ARHGEF10L: variants seen among roughly 807,000 people sequenced by gnomAD.
ARHGEF10L encodes Rho guanine nucleotide exchange factor 10 like.
In ARHGEF10L, 69 loss-of-function variants were observed where a neutral mutation model predicts 141.2. The ratio of observed to expected loss-of-function variants is 0.49; its 90% CI spans 0.40 to 0.60. The LOEUF (loss-of-function observed/expected upper bound fraction) is 0.60, where lower values mean the gene tolerates loss of function less well. Among genes scored for constraint, ARHGEF10L ranks in the 20% least tolerant of loss-of-function variants. ARHGEF10L has a pLI of 0.00. For missense variants in ARHGEF10L, 1,482 were observed against 1,734.3 expected, an observed-to-expected ratio of 0.85 and a Z score of 2.58; for synonymous variants, 711 against 718.5, an observed-to-expected ratio of 0.99 and a Z score of 0.17.
At chr1:17,685,953 G>C (rs114341265) in intron 26 of ARHGEF10L, among the ~76,000 whole-genome samples, 8,533 of 152,326 alleles carry the variant, frequency 0.056, 309 homozygotes, top group Middle Eastern at 0.13. Context: ...AAGGAGAAAA[G>C]CCAGAAAACT....
At chr1:17,568,681 G>A (rs947925013) in intron 1 of ARHGEF10L, among the ~76,000 whole-genome samples, 1 of 152,214 alleles carries the variant, frequency 6.6e-6, no homozygotes, top group Non-Finnish European at 1.5e-5. Flanking sequence ...GGACCAGGCT[G>A]TGGGCGGCAT....
At chr1:17,646,578 G>A (rs900990840) in intron 21 of ARHGEF10L, among the ~76,000 whole-genome samples, 5 of 152,134 alleles carry the variant, frequency 3.3e-5, no homozygotes, top group African/African-American at 9.7e-5. Context: ...ACACACGCAC[G>A]CGTGCACACG....
At chr1:17,527,179 C>G in the ARHGEF10L span, among the ~76,000 whole-genome samples, 4 of 152,208 alleles carry the variant, frequency 2.6e-5, no homozygotes, top group Non-Finnish European at 5.9e-5. Context: ...AACTAGAAAC[C>G]CTGGGCTCTG....
chr1:17,613,147 G>A lies in ARHGEF10L; in HGVS notation c.699G>A (p.Gln233=). Residue 233 remains glutamine (Q), a synonymous_variant, in exon 8 of 29, where the codon CAG becomes CAA. Transcript: ENST00000361221. ...TGAGAGTTGGGGGGAGAGACATGCA[G>A]GAGCTGAAGCACAAGTACGATTGTA... is the stretch of plus-strand genomic sequence containing the variant. ...LALRVGGRDM[Q]ELKHKYDCKM... The A allele has an allele frequency of 6.2e-7, 1 of 1,613,872 alleles. No individual in the cohort carries two copies. Among genetic ancestry groups the A allele is most frequent in the South Asian group, 1.1e-5 (1 of 91,028 alleles).
At position 17,587,613 on chromosome 1, in the gene ARHGEF10L, C is replaced by T. The variant is rs542739317; in HGVS notation, c.191C>T (p.Pro64Leu). 6.2e-7 allele frequency: 1 copy of T among 1,613,858 alleles called. No individual in the cohort carries two copies. Among genetic ancestry groups the T allele is most frequent in the South Asian group, 1.1e-5 (1 of 91,034 alleles). Residue 64 changes from proline to leucine, a missense_variant, in exon 3 of 29, where the codon CCA (proline) becomes CTA (leucine). This residue lies in a region of ARHGEF10L where 232 missense variants were observed against 225.9 expected (regional missense o/e 1.03). Transcript: ENST00000361221. The part of the protein sequence containing the change: ...SLAPERDTDP[P>L]LIHLDSIPVT... ...GCTCCTGAGAGGGACACAGACCCCC[C>T]ACTGATCCACTTGGACTCCATCCCT...
rs919352065 is a variant in ARHGEF10L, at chr1:17,625,365, G to C, written c.1318-591G>C. Among the ~76,000 whole-genome samples, 4 of 152,204 alleles carry C rather than the reference G, an allele frequency of 2.6e-5. No individual in the cohort carries two copies. Among genetic ancestry groups the C allele is most frequent in the African/African-American group, 9.6e-5 (4 of 41,452 alleles). ...GGCCTGAGTGTGCACACTAAGAGGC[G>C]GCTGAGTTCAGTTGGGTGGTTCTAG... is the stretch of plus-strand genomic sequence containing the variant. On this transcript the variant is annotated intron_variant, in intron 13 of 28. Coordinates refer to ENST00000361221, the MANE Select transcript of ARHGEF10L (RefSeq NM_018125.4). The surrounding 1 kb of genome is among the most constrained non-coding windows in gnomAD (Gnocchi z 4.5).
At position 17,607,831 on chromosome 1, in the gene ARHGEF10L, G is replaced by A; in HGVS notation, c.463G>A (p.Ala155Thr). 1 of 1,593,276 alleles carries A rather than the reference G, an allele frequency of 6.3e-7. No individual in the cohort carries two copies. The highest frequency in any genetic ancestry group is 8.5e-7 in the Non-Finnish European group (1 of 1,170,872). ...GAERNLLYED[A>T]HRAGAPRQAE... is the part of the protein sequence containing the mutation. The stretch of plus-strand genomic sequence containing the variant: ...AGAGAGGAACCTGCTCTACGAGGAT[G>A]CGCACCGGGCTGGGGCCCCTCGGCA... Residue 155 changes from alanine to threonine, a missense_variant, in exon 7 of 29, where the codon GCG (alanine) becomes ACG (threonine). Physicochemically the swap from Ala to Thr is moderately conservative, Grantham distance 58. This residue lies in a region of ARHGEF10L where 232 missense variants were observed against 225.9 expected (regional missense o/e 1.03). Coordinates refer to ENST00000361221, the MANE Select transcript of ARHGEF10L (RefSeq NM_018125.4). The surrounding 1 kb of genome is among the most constrained non-coding windows in gnomAD (Gnocchi z 4.5).
intron 26 of ARHGEF10L, among the ~76,000 whole-genome samples, chr1:17,680,850 C>A (rs1298172184): frequency 6.9e-6 from 1 of 145,640 alleles, no homozygotes. Context: ...GTGGCGTGAT[C>A]TCGGCTCACT....
At chr1:17,548,646 C>CTTTTTTTTTT (rs892480738) in intron 1 of ARHGEF10L, among the ~76,000 whole-genome samples, 2 of 88,324 alleles carry the variant, frequency 2.3e-5, no homozygotes, top group Non-Finnish European at 4.3e-5. Flanking sequence ...CAAAATAATT[C>CTTTTTTTTTT]TTTTTTTTTT....
Position 17,603,456 on chromosome 1 carries a change from G to A in ARHGEF10L, c.350-52G>A. The A allele has an allele frequency of 1.3e-6, 2 of 1,511,410 alleles. No individual in the cohort carries two copies. The highest frequency in any genetic ancestry group is 3.5e-5 in the Admixed American group (2 of 57,858). The allele number at this position is 1,511,410 out of a possible 1,614,324, so 93.6% of individuals were successfully genotyped here. A position where few individuals can be genotyped will look rare whatever the true frequency, so the allele number is the denominator to read the frequency against. On this transcript the variant is annotated intron_variant, in intron 5 of 28. Transcript: ENST00000361221. The surrounding 1 kb of genome is among the most constrained non-coding windows in gnomAD (Gnocchi z 4.8). ...CCTGATGTCATCTGCAGCACCTCTG[G>A]CCAGGCTGCCACAGCCCACGGTGGT...
At chr1:17,652,080 C>T (rs931665438) in intron 22 of ARHGEF10L, among the ~76,000 whole-genome samples, 1 of 152,240 alleles carries the variant, frequency 6.6e-6, no homozygotes, top group Non-Finnish European at 1.5e-5. Flanking sequence ...GACTCCAGCT[C>T]TGGCTGGCCT....
rs1367627989 is a variant in ARHGEF10L, at chr1:17,673,376, G to T, written c.3009+8781G>T. 2.0e-5 allele frequency among the ~76,000 whole-genome samples: 3 copies of T among 152,126 alleles called. No homozygotes were observed. Among genetic ancestry groups the T allele is most frequent in the Non-Finnish European group, 4.4e-5 (3 of 68,016 alleles). ...GAGGGCAGATGCCCAAGGGGCAGCT[G>T]CCCAGTCCTTTTGGAACTTGGCAAG... On this transcript the variant is annotated intron_variant, in intron 26 of 28. Coordinates refer to ENST00000361221, the MANE Select transcript of ARHGEF10L (RefSeq NM_018125.4). The surrounding 1 kb of genome is among the most constrained non-coding windows in gnomAD (Gnocchi z 4.1).
intron 25 of ARHGEF10L, among the ~76,000 whole-genome samples, chr1:17,662,951 C>T (rs1350673752): frequency 2.0e-5 from 3 of 152,162 alleles, no homozygotes; most frequent in Non-Finnish European, 4.4e-5. Context: ...TTCTAGTCCC[C>T]CGCCACTGCT....
chr1:17,674,851 G>T (rs1356341533), intron 26 of ARHGEF10L, among the ~76,000 whole-genome samples: 1 of 152,136 alleles, frequency 6.6e-6, no homozygotes, highest in Non-Finnish European at 1.5e-5. Context: ...TGCTGTACGG[G>T]TATGAGGCCT....
intron 2 of ARHGEF10L, among the ~76,000 whole-genome samples, chr1:17,586,821 G>A (rs140247347): frequency 0.019 from 2,895 of 152,132 alleles, 49 homozygotes; most frequent in Non-Finnish European, 0.029. Context: ...AATGGGAGAG[G>A]AGGACAGGAG....
At position 17,625,930 on chromosome 1, in the gene ARHGEF10L, G is replaced by T. The variant is rs559789259; in HGVS notation, c.1318-26G>T. The T allele has an allele frequency of 1.9e-6, 3 of 1,609,744 alleles. No homozygotes were observed. The East Asian group carries it at 6.7e-5, about 36-fold the overall frequency. On this transcript the variant is annotated intron_variant, in intron 13 of 28. Coordinates refer to ENST00000361221, the MANE Select transcript of ARHGEF10L (RefSeq NM_018125.4). The surrounding 1 kb of genome is among the most constrained non-coding windows in gnomAD (Gnocchi z 4.5). ...TGGGCCCTCTCTGCAGGGGGTCAGC[G>T]AATGACGGAACCTTGTCTCCACCAG...
In ARHGEF10L at chr1:17,607,316, A is replaced by C. The variant is rs900900465; in HGVS notation, c.434-486A>C. On this transcript the variant is annotated intron_variant, in intron 6 of 28. Coordinates refer to ENST00000361221, the MANE Select transcript of ARHGEF10L (RefSeq NM_018125.4). The surrounding 1 kb of genome is among the most constrained non-coding windows in gnomAD (Gnocchi z 4.5). ...ATAACAAGACTCCGTCTCTACAAAAAATTAAAAAATTAGCTGGGTGTGATG... is the reference window on the plus strand; with the variant it reads ...ATAACAAGACTCCGTCTCTACAAAACATTAAAAAATTAGCTGGGTGTGATG... Among the ~76,000 whole-genome samples, 5 of 152,094 alleles carry C rather than the reference A, an allele frequency of 3.3e-5. No homozygotes were observed. The highest frequency in any genetic ancestry group is 1.2e-4 in the African/African-American group (5 of 41,394).
the ARHGEF10L span, among the ~76,000 whole-genome samples, chr1:17,518,657 T>C: frequency 6.6e-6 from 1 of 151,554 alleles, no homozygotes; most frequent in Non-Finnish European, 1.5e-5. Context: ...CTGGGCATAG[T>C]GGTGCACACC....
rs1407515363 is a variant in ARHGEF10L at position 17,573,089 on chromosome 1, G to A, written c.-43-7464G>A. ...GTCTGTACACCTGCTGGGTTGCAGG[G>A]ACGCACATGGACCTCCCTTTCCCTG... is the stretch of plus-strand genomic sequence containing the variant. On this transcript the variant is annotated intron_variant, in intron 1 of 28. Transcript: ENST00000361221. The surrounding 1 kb of genome is among the most constrained non-coding windows in gnomAD (Gnocchi z 4.8). Among the ~76,000 whole-genome samples, 1 of 152,138 alleles carries A rather than the reference G, an allele frequency of 6.6e-6. No homozygotes were observed. The highest frequency in any genetic ancestry group is 1.5e-5 in the Non-Finnish European group (1 of 68,024).
Sources: allele counts gnomAD v4.1 joint callset (sites outside exome capture counted in the v4.1 genomes callset), GRCh38; gene constraint gnomAD v4.1.1; regional missense constraint gnomAD v4.1.1; non-coding constraint Gnocchi (gnomAD v3.1); transcripts MANE v1.5; gene names NCBI Gene and HGNC (gene_info 2026-07-23, HGNC 2026-07-21).